The following UCK2 variants were observed in gnomAD, a reference collection of about 807,000 sequenced individuals.
UCK2 encodes the protein cytidine monophosphokinase 2.
UCK2 carries 6 observed loss-of-function variants against 30.8 expected under a neutral mutation model. The observed-to-expected ratio is 0.19, with a 90% CI of 0.11 to 0.38. The LOEUF is 0.38. Among genes scored for constraint, UCK2 ranks in the 10% least tolerant of loss-of-function variants. The pLI is 1.00. For missense variants in UCK2, 210 were observed against 339.8 expected (o/e 0.62, Z 3.00); for synonymous variants, 125 against 133.6 (o/e 0.94, Z 0.45).
chr1:165,840,034 T>C (rs1486899270), intron 1 of UCK2, among the ~76,000 whole-genome samples: 4 of 152,100 alleles, frequency 2.6e-5, no homozygotes, highest in Non-Finnish European at 5.9e-5. Flanking sequence ...TTCTCCTGCC[T>C]CAGCCTCCCA....
rs1647795815 is a variant in UCK2 at position 165,909,928 on chromosome 1, C to T, written c.*2105C>T. The T allele has an allele frequency of 6.6e-6, 1 of 152,302 alleles. No individual in the cohort carries two copies. The highest frequency in any genetic ancestry group is 2.4e-5 in the African/African-American group (1 of 41,468). 9.4% of individuals were successfully genotyped at this position (152,302 alleles called of 1,614,324 possible). A position where few individuals can be genotyped will look rare whatever the true frequency, so the allele number is the denominator to read the frequency against. ...TCCCAGGTGCCAAACCATTTAGTGCCTTGGCTGTTTATCCCACTGCCTTGG... is the reference window on the plus strand; with the variant it reads ...TCCCAGGTGCCAAACCATTTAGTGCTTTGGCTGTTTATCCCACTGCCTTGG... On this transcript the variant is annotated 3_prime_UTR_variant, in exon 7 of 7. Coordinates refer to ENST00000367879, the MANE Select transcript of UCK2 (RefSeq NM_012474.5).
Position 165,910,202 on chromosome 1 carries a change from C to T in UCK2, c.*2379C>T, listed in dbSNP as rs1358294739. On this transcript the variant is annotated 3_prime_UTR_variant, in exon 7 of 7. Transcript: ENST00000367879. ...GAAGGGATGGAAGGCTCTACCCCTC[C>T]GTGGCAGCCCAGCATTTGGCCAACT... 4 of 152,242 alleles carry T rather than the reference C, an allele frequency of 2.6e-5. No homozygotes were observed. Among genetic ancestry groups the T allele is most frequent in the Admixed American group, 6.5e-5 (1 of 15,278 alleles). 9.4% of individuals were successfully genotyped at this position (152,242 alleles called of 1,614,324 possible). A position where few individuals can be genotyped will look rare whatever the true frequency, so the allele number is the denominator to read the frequency against.
intron 4 of UCK2, among the ~76,000 whole-genome samples, chr1:165,899,831 C>T (rs1571299838): frequency 6.6e-6 from 1 of 152,244 alleles, no homozygotes; most frequent in Non-Finnish European, 1.5e-5. Context: ...AACTGGCTGG[C>T]CCTCTGTTGT....
chr1:165,870,823 A>G (rs1369135700), intron 1 of UCK2, among the ~76,000 whole-genome samples: 1 of 152,148 alleles, frequency 6.6e-6, no homozygotes, highest in Admixed American at 6.5e-5. Flanking sequence ...ATTCCTTGTT[A>G]GTCTTTTTTT....
At chr1:165,846,610 A>G (rs1654454833) in intron 1 of UCK2, among the ~76,000 whole-genome samples, 1 of 152,182 alleles carries the variant, frequency 6.6e-6, no homozygotes, top group Non-Finnish European at 1.5e-5. Context: ...TTCTGAAACC[A>G]CATGTAGAAT....
chr1:165,887,513 T>C (rs1655645367), intron 1 of UCK2, among the ~76,000 whole-genome samples: 1 of 152,206 alleles, frequency 6.6e-6, no homozygotes, highest in African/African-American at 2.4e-5. Flanking sequence ...AAACATTTTA[T>C]GGGTTTTAAA....
rs145409933 is a variant in UCK2, at chr1:165,897,711, C to T, written c.499+1379C>T. 5.1e-3 allele frequency among the ~76,000 whole-genome samples: 772 copies of T among 152,320 alleles called. 7 individuals carry two copies. Among genetic ancestry groups the T allele is most frequent in the African/African-American group, 0.018 (729 of 41,570 alleles). ...CCATTTAGCACCGTAATTGTAAGAACTATTCATGAGACCAGTAGAACCTAC... is the reference window on the plus strand; with the variant it reads ...CCATTTAGCACCGTAATTGTAAGAATTATTCATGAGACCAGTAGAACCTAC... On this transcript the variant is annotated intron_variant, in intron 4 of 6. Transcript: ENST00000367879.
Position 165,910,479 on chromosome 1 carries a change from G to C in UCK2, c.*2656G>C, listed in dbSNP as rs1647816463. Reference sequence around the variant, plus strand: ...GTGCTTGGTTCTCTCTTCCTGCCCAGGTATTGTGTGTGGACCAAGTGTTTA... The same window carrying C: ...GTGCTTGGTTCTCTCTTCCTGCCCACGTATTGTGTGTGGACCAAGTGTTTA... On this transcript the variant is annotated 3_prime_UTR_variant, in exon 7 of 7. Coordinates refer to ENST00000367879, the MANE Select transcript of UCK2 (RefSeq NM_012474.5). The C allele has an allele frequency of 6.6e-6, 1 of 152,338 alleles. No individual in the cohort carries two copies. Among genetic ancestry groups the C allele is most frequent in the South Asian group, 2.1e-4 (1 of 4,826 alleles). The allele number at this position is 152,338 out of a possible 1,614,324, so 9.4% of individuals were successfully genotyped here. A position where few individuals can be genotyped will look rare whatever the true frequency, so the allele number is the denominator to read the frequency against.
intron 1 of UCK2, among the ~76,000 whole-genome samples, chr1:165,844,874 C>A (rs777522174): frequency 6.6e-6 from 1 of 152,198 alleles, no homozygotes; most frequent in East Asian, 1.9e-4. Flanking sequence ...TTCCCACATG[C>A]CTCACCCTTT....
intron 1 of UCK2, among the ~76,000 whole-genome samples, chr1:165,888,015 A>T (rs1655663506): frequency 1.3e-5 from 2 of 152,192 alleles, no homozygotes; most frequent in Admixed American, 1.3e-4. Flanking sequence ...TCCTCCAAAG[A>T]TCCTTACTTA....
chr1:165,891,231 T>C lies in UCK2; in HGVS notation c.265T>C (p.Phe89Leu). The change falls in exon 3 of 7, where the codon TTT becomes CTT. Residue 89 changes from phenylalanine to leucine, a missense_variant. Physicochemically the swap from Phe to Leu is conservative, Grantham distance 22. This residue lies in a region of UCK2 where 75 missense variants were observed against 124.7 expected (regional missense o/e 0.60). Transcript: ENST00000367879. ...AACAATTTGGTATTTTTCAGATGCCTTTGACAATGAACTCATTCTCAAAAC... is the reference window on the plus strand; with the variant it reads ...AACAATTTGGTATTTTTCAGATGCCCTTGACAATGAACTCATTCTCAAAAC... ...GQFNFDHPDA[F>L]DNELILKTLK... The C allele has an allele frequency of 6.2e-7, 1 of 1,614,072 alleles. No individual in the cohort carries two copies. Among genetic ancestry groups the C allele is most frequent in the Non-Finnish European group, 8.5e-7 (1 of 1,179,894 alleles).
chr1:165,830,433 T>A (rs1654017851), intron 1 of UCK2, among the ~76,000 whole-genome samples: 2 of 152,110 alleles, frequency 1.3e-5, no homozygotes. Context: ...CATGCCATTC[T>A]TCTGCCTCAG....
intron 1 of UCK2, among the ~76,000 whole-genome samples, chr1:165,839,927 C>G (rs1171798827): frequency 1.3e-5 from 2 of 152,208 alleles, no homozygotes; most frequent in Non-Finnish European, 2.9e-5. Context: ...AGCCTTCCCC[C>G]ACCCCGGCCC....
chr1:165,867,419 G>A (rs1023942191), intron 1 of UCK2, among the ~76,000 whole-genome samples: 12 of 152,128 alleles, frequency 7.9e-5, no homozygotes, highest in African/African-American at 2.9e-4. Context: ...TTCTTTCAAA[G>A]TGGGAGTCAA....
At chr1:165,838,548 A>G (rs1654252248) in intron 1 of UCK2, among the ~76,000 whole-genome samples, 1 of 152,190 alleles carries the variant, frequency 6.6e-6, no homozygotes. Context: ...AGAATGAGTT[A>G]CTTTGCTCAG....
Position 165,895,742 on chromosome 1 carries a change from G to A in UCK2, c.357-448G>A, listed in dbSNP as rs113677661. 2.7e-3 allele frequency: 2,036 copies of A among 759,496 alleles called. 35 individuals carry two copies. In the African/African-American group the frequency reaches 0.034, roughly 13 times the overall value. 47.0% of individuals were successfully genotyped at this position (759,496 alleles called of 1,614,324 possible). ...TCAATTGCCTCAGGACTGGCGGGGA[G>A]GGGATGGAGTTGTTGAGAGAAAACT... On this transcript the variant is annotated intron_variant, in intron 3 of 6. Transcript: ENST00000367879.
At chr1:165,896,550 T>C (rs1647265627) in intron 4 of UCK2, among the ~76,000 whole-genome samples, 1 of 152,264 alleles carries the variant, frequency 6.6e-6, no homozygotes, top group Non-Finnish European at 1.5e-5. Context: ...AGTCACTTAC[T>C]GTTTGGGATA....
chr1:165,862,804 A>G (rs1284935270), intron 1 of UCK2, among the ~76,000 whole-genome samples: 1 of 152,164 alleles, frequency 6.6e-6, no homozygotes, highest in East Asian at 1.9e-4. Flanking sequence ...ACACAGAGAG[A>G]GAGGCCATCA....
intron 4 of UCK2, among the ~76,000 whole-genome samples, chr1:165,898,205 C>T (rs7519919): frequency 0.63 from 95,295 of 152,030 alleles, 30,126 homozygotes; most frequent in Admixed American, 0.7. Context: ...TAGAGTCCAG[C>T]GAATTGGGCT....
Sources: gnomAD v4.1 joint callset for allele counts (sites outside exome capture counted in the v4.1 genomes callset) on GRCh38, gnomAD v4.1.1 for gene constraint, gnomAD v4.1.1 regional missense constraint, MANE v1.5 for transcripts, NCBI Gene and HGNC (gene_info 2026-07-23, HGNC 2026-07-21) for gene names.